The following PRKG2 variants were observed in gnomAD, a reference collection of about 807,000 sequenced individuals.
PRKG2 encodes the protein cGMP-dependent protein kinase 2.
A neutral mutation model predicts 97.2 loss-of-function variants in PRKG2; 33 were observed. The observed-to-expected ratio is 0.34, with a 90% CI of 0.26 to 0.45. PRKG2 has a LOEUF of 0.45. Ranked by LOEUF, PRKG2 falls within the 20% of genes least tolerant of loss-of-function variation. The pLI, the probability that PRKG2 is intolerant of heterozygous loss-of-function variation, is 1.00. For synonymous variants in PRKG2, 330 were observed against 321.8 expected, an observed-to-expected ratio of 1.03 and a Z score of -0.27; for missense variants, 638 against 900.0, an observed-to-expected ratio of 0.71 and a Z score of 3.73.
chr4:81,120,595 G>C (rs1187902232), intron 14 of PRKG2, among the ~76,000 whole-genome samples: 1 of 151,852 alleles, frequency 6.6e-6, no homozygotes, highest in Non-Finnish European at 1.5e-5. Flanking sequence ...AATTCTACTT[G>C]TTCATTGCTA....
At chr4:81,117,392 G>A (rs979744938) in intron 14 of PRKG2, among the ~76,000 whole-genome samples, 2 of 151,788 alleles carry the variant, frequency 1.3e-5, no homozygotes, top group African/African-American at 2.4e-5. Flanking sequence ...TTCTGCATTG[G>A]GACCTCCTGT....
intron 14 of PRKG2, among the ~76,000 whole-genome samples, chr4:81,122,904 C>G (rs956534589): frequency 6.6e-6 from 1 of 152,202 alleles, no homozygotes; most frequent in Non-Finnish European, 1.5e-5. Flanking sequence ...GACTCCATCC[C>G]ACTGCAGTCC....
intron 13 of PRKG2, 116 bp downstream of exon 13, chr4:81,137,277 A>T: frequency 1.3e-6 from 1 of 796,240 alleles, no homozygotes; most frequent in African/African-American, 1.7e-5. Flanking sequence ...TTACTACTTT[A>T]TTTTATCAAG....
intron 14 of PRKG2, among the ~76,000 whole-genome samples, chr4:81,128,658 T>C (rs915230988): frequency 4.6e-5 from 7 of 152,346 alleles, no homozygotes; most frequent in African/African-American, 1.7e-4. Context: ...TGTATTTCTG[T>C]GGGATCAGGG....
At chr4:81,139,395 T>C (rs1383684809) in intron 12 of PRKG2, among the ~76,000 whole-genome samples, 1 of 152,174 alleles carries the variant, frequency 6.6e-6, no homozygotes, top group Non-Finnish European at 1.5e-5. Flanking sequence ...TCAATAATTT[T>C]ATATTCATAT....
rs1189671570 is a variant in PRKG2 at position 81,087,944 on chromosome 4, T to C, written c.*1764A>G. 6.6e-6 allele frequency: 1 copy of C among 152,134 alleles called. No homozygotes were observed. The highest frequency in any genetic ancestry group is 1.5e-5 in the Non-Finnish European group (1 of 67,986). The allele number at this position is 152,134 out of a possible 1,614,324, so 9.4% of individuals were successfully genotyped here. A position where few individuals can be genotyped will look rare whatever the true frequency, so the allele number is the denominator to read the frequency against. ...TCCTATTATAACTGTATAGTTCTAA[T>C]ATCCACCCAATACATAAATTTTCTA... On this transcript the variant is annotated 3_prime_UTR_variant, in exon 19 of 19. Transcript: ENST00000264399.
Position 81,167,200 on chromosome 4 carries a change from A to G in PRKG2, c.873T>C (p.Pro291=), listed in dbSNP as rs368697435. Residue 291 remains proline, a synonymous_variant, in exon 6 of 19, where the codon CCT becomes CCC. Coordinates refer to ENST00000264399, the MANE Select transcript of PRKG2 (RefSeq NM_006259.3). ...CAATGATCTTGGTTAATTTATCTTCAGGTAAATTCTTCAGCAAGGATACAC... is the reference window on the plus strand; with the variant it reads ...CAATGATCTTGGTTAATTTATCTTCGGGTAAATTCTTCAGCAAGGATACAC... ...LRSVSLLKNL[P]EDKLTKIIDC... is the part of the protein sequence containing the mutation. The G allele has an allele frequency of 1.0e-4, 159 of 1,592,326 alleles. No individual in the cohort carries two copies. The highest frequency in any genetic ancestry group is 7.1e-5 in the Non-Finnish European group (83 of 1,171,078).
At chr4:81,100,050 G>A (rs74392509) in intron 17 of PRKG2, among the ~76,000 whole-genome samples, 34,878 of 150,878 alleles carry the variant, frequency 0.23, 7,350 homozygotes, top group African/African-American at 0.55. Flanking sequence ...ACCACTGCTC[G>A]ATGAAATAAA....
chr4:81,167,843 C>T (rs376196471), intron 5 of PRKG2, among the ~76,000 whole-genome samples: 1 of 149,936 alleles, frequency 6.7e-6, no homozygotes, highest in Admixed American at 6.7e-5. Context: ...AACTTCAGAA[C>T]GCAGATACTC....
At chr4:81,110,055 A>C (rs975499494) in intron 15 of PRKG2, among the ~76,000 whole-genome samples, 3 of 152,200 alleles carry the variant, frequency 2.0e-5, no homozygotes, top group African/African-American at 7.2e-5. Flanking sequence ...TTAATTGATC[A>C]ATGGATTTAA....
chr4:81,091,879 C>T (rs1264153527), intron 18 of PRKG2, among the ~76,000 whole-genome samples: 1 of 152,084 alleles, frequency 6.6e-6, no homozygotes, highest in South Asian at 2.1e-4. Context: ...TGTCGCTCTT[C>T]TGAACTGAGA....
intron 2 of PRKG2, among the ~76,000 whole-genome samples, chr4:81,201,816 T>C (rs1753332029): frequency 6.6e-6 from 1 of 152,182 alleles, no homozygotes; most frequent in Admixed American, 6.5e-5. Flanking sequence ...TTGCTCACTG[T>C]TAAGTGTTCA....
chr4:81,092,501 G>T (rs756893562), intron 17 of PRKG2, 49 bp from the exon 18 acceptor site: 1 of 1,046,922 alleles, frequency 9.6e-7, no homozygotes, highest in Non-Finnish European at 1.4e-6. Context: ...AGGAAGGAAG[G>T]AAGGAAGGAA....
intron 2 of PRKG2, among the ~76,000 whole-genome samples, chr4:81,183,037 C>T (rs1347108019): frequency 1.3e-5 from 2 of 152,020 alleles, no homozygotes; most frequent in East Asian, 3.9e-4. Context: ...ATATTAAATT[C>T]TTATAGTCAT....
At chr4:81,214,860 G>T in intron 1 of PRKG2, 76 bp downstream of exon 1, 1 of 152,552 alleles carries the variant, frequency 6.6e-6, no homozygotes. Flanking sequence ...GCATGCACAC[G>T]CGCGCACCCC....
At position 81,158,477 on chromosome 4, in the gene PRKG2, G is replaced by A. The variant is rs568754983; in HGVS notation, c.913-4756C>T. Among the ~76,000 whole-genome samples, 5 of 151,820 alleles carry A rather than the reference G, an allele frequency of 3.3e-5. No individual in the cohort carries two copies. In the South Asian group the frequency reaches 1.0e-3, roughly 31 times the overall value. ...GATACAAACAAATGGAACATTCCAT[G>A]CTCATGGGTAGGAAGAATCAATATC... On this transcript the variant is annotated intron_variant, in intron 6 of 18. Transcript: ENST00000264399.
chr4:81,092,569 G>A, intron 17 of PRKG2, 117 bp from the exon 18 acceptor site: 2 of 695,868 alleles, frequency 2.9e-6, no homozygotes, highest in East Asian at 5.2e-5. Context: ...CTATTAGCAT[G>A]TCAAGTTATC....
upstream of PRKG2, among the ~76,000 whole-genome samples, chr4:81,217,369 G>A (rs1057038844): frequency 6.6e-6 from 1 of 152,116 alleles, no homozygotes; most frequent in Non-Finnish European, 1.5e-5. Flanking sequence ...TCGATGCAGT[G>A]CAGGCTGTTG....
chr4:81,170,598 T>G (rs1465201404), intron 4 of PRKG2, among the ~76,000 whole-genome samples: 1 of 152,100 alleles, frequency 6.6e-6, no homozygotes, highest in Non-Finnish European at 1.5e-5. Flanking sequence ...AAAATCTGCA[T>G]TTTTATCAAA....
Sources: gnomAD v4.1 joint callset for allele counts (sites outside exome capture counted in the v4.1 genomes callset) on GRCh38, gnomAD v4.1.1 for gene constraint, MANE v1.5 for transcripts, NCBI Gene and HGNC (gene_info 2026-07-23, HGNC 2026-07-21) for gene names.